The following ANXA1 variants were observed in gnomAD, a reference collection of about 807,000 sequenced individuals.
The protein encoded by ANXA1 is annexin I (lipocortin I).
In ANXA1, 39 loss-of-function variants were observed where a neutral mutation model predicts 47.9. The observed-to-expected ratio is 0.81, with a 90% confidence interval of 0.63 to 1.06. The LOEUF (loss-of-function observed/expected upper bound fraction) is 1.06. Ranked by LOEUF, ANXA1 falls within the 50% of genes least tolerant of loss-of-function variation. The pLI is 0.00. For synonymous variants in ANXA1, 146 were observed against 142.5 expected (o/e 1.02, Z -0.17); for missense variants, 446 against 422.7 (o/e 1.06, Z -0.48).
At chr9:73,157,699 GC>G (rs1824071416) in intron 1 of ANXA1, 1 of 144,998 alleles carries the variant, frequency 6.9e-6, no homozygotes, top group Non-Finnish European at 1.5e-5. Context: ...TTTTCATCTA[GC>G]CATTACTTTT....
At chr9:73,165,751 G>A (rs925351534) in intron 9 of ANXA1, among the ~76,000 whole-genome samples, 5 of 152,036 alleles carry the variant, frequency 3.3e-5, no homozygotes, top group Non-Finnish European at 5.9e-5. Flanking sequence ...TTAAATGTAA[G>A]AGAAATTTAG....
chr9:73,169,256 T>C, intron 12 of ANXA1, 102 bp downstream of exon 12: 1 of 1,269,766 alleles, frequency 7.9e-7, no homozygotes, highest in Non-Finnish European at 1.1e-6. Context: ...ATTTAATATG[T>C]AAGATTAATT....
At chr9:73,156,444 T>C (rs1824049911) in intron 1 of ANXA1, among the ~76,000 whole-genome samples, 1 of 152,090 alleles carries the variant, frequency 6.6e-6, no homozygotes, top group African/African-American at 2.4e-5. Context: ...AAATTGCGGG[T>C]TGTTACTTTA....
chr9:73,153,273 G>T (rs1402032615), intron 1 of ANXA1, among the ~76,000 whole-genome samples: 1 of 152,168 alleles, frequency 6.6e-6, no homozygotes, highest in Non-Finnish European at 1.5e-5. Flanking sequence ...TTCTGAATAT[G>T]ACGTTAGCTC....
At chr9:73,168,983 G>T in intron 11 of ANXA1, 49 bp from the exon 12 acceptor site, 1 of 1,542,890 alleles carries the variant, frequency 6.5e-7, no homozygotes, top group South Asian at 1.2e-5. Context: ...TGTTTTTAAT[G>T]AGAGTATTTT....
intron 11 of ANXA1, 121 bp from the exon 12 acceptor site, chr9:73,168,911 G>A (rs1588227549): frequency 1.3e-5 from 10 of 754,032 alleles, no homozygotes; most frequent in East Asian, 2.8e-5. Context: ...GTGTGTGTGT[G>A]TATAGCTAGT....
chr9:73,162,332 CATA>C (rs375483934), intron 6 of ANXA1, among the ~76,000 whole-genome samples: 136 of 152,278 alleles, frequency 8.9e-4, no homozygotes, highest in African/African-American at 3.1e-3. Context: ...TTTACACACA[CATA>C]AATCATCAAA....
intron 1 of ANXA1, among the ~76,000 whole-genome samples, chr9:73,154,858 G>C (rs770184422): frequency 6.6e-6 from 1 of 152,198 alleles, no homozygotes; most frequent in South Asian, 2.1e-4. Flanking sequence ...TGAGGATAAT[G>C]ATTAAAGGCT....
Position 73,160,991 on chromosome 9 carries a change from G to A in ANXA1, c.475+98G>A, listed in dbSNP as rs567311389. 9 of 768,406 alleles carry A rather than the reference G, an allele frequency of 1.2e-5. No homozygotes were observed. The South Asian group carries it at 1.5e-4, about 13-fold the overall frequency. The allele number at this position is 768,406 out of a possible 1,614,324, so 47.6% of individuals were successfully genotyped here. ...TGTCTATGGTAATTATGGCAGCTTT[G>A]GAATCTCCACATATCAAAATGTTTC... On this transcript the variant is annotated intron_variant, in intron 6 of 12. Coordinates refer to ENST00000257497, the MANE Select transcript of ANXA1 (RefSeq NM_000700.3).
chr9:73,169,445 A>G (rs1158411862), intron 12 of ANXA1, among the ~76,000 whole-genome samples: 3 of 152,126 alleles, frequency 2.0e-5, no homozygotes, highest in African/African-American at 7.2e-5. Flanking sequence ...GTAGATAGAC[A>G]TTGTGGTTTA....
intron 6 of ANXA1, among the ~76,000 whole-genome samples, chr9:73,162,082 T>C (rs1320225220): frequency 2.0e-5 from 3 of 152,086 alleles, no homozygotes; most frequent in Non-Finnish European, 4.4e-5. Flanking sequence ...GCCAGGCTCT[T>C]TTCAACAGCC....
intron 1 of ANXA1, among the ~76,000 whole-genome samples, chr9:73,156,860 C>A (rs915021956): frequency 1.3e-5 from 2 of 152,042 alleles, no homozygotes; most frequent in Non-Finnish European, 2.9e-5. Context: ...TCAGTGTAGA[C>A]CTTGAGCAAG....
At chr9:73,164,017 A>G (rs1236282343) in intron 8 of ANXA1, among the ~76,000 whole-genome samples, 3 of 152,130 alleles carry the variant, frequency 2.0e-5, no homozygotes, top group Non-Finnish European at 4.4e-5. Context: ...TTTCTAACAT[A>G]TTGTTTTATT....
chr9:73,160,769 T>C, intron 5 of ANXA1, 34 bp from the exon 6 acceptor site: 1 of 1,528,740 alleles, frequency 6.5e-7, no homozygotes, highest in African/African-American at 1.4e-5. Flanking sequence ...AAGATTTTTT[T>C]CTACATTTAT....
At position 73,170,257 on chromosome 9, in the gene ANXA1, T is replaced by C; in HGVS notation, c.*150T>C. The C allele has an allele frequency of 1.9e-6, 1 of 534,302 alleles. No homozygotes were observed. Among genetic ancestry groups the C allele is most frequent in the South Asian group, 4.1e-5 (1 of 24,100 alleles). 33.1% of individuals were successfully genotyped at this position (534,302 alleles called of 1,614,324 possible). On this transcript the variant is annotated 3_prime_UTR_variant, in exon 13 of 13. Transcript: ENST00000257497. ...TAGCCTTTAAATCATTTTTATATTA[T>C]AACTCTGTATAATAGAGATAAGTCC...
intron 11 of ANXA1, 121 bp from the exon 12 acceptor site, chr9:73,168,911 G>GTGTGTGTA (rs758329040): frequency 4.0e-6 from 3 of 754,050 alleles, no homozygotes; most frequent in Non-Finnish European, 6.4e-6. Flanking sequence ...GTGTGTGTGT[G>GTGTGTGTA]TATAGCTAGT....
chr9:73,165,477 T>C, intron 9 of ANXA1: 1 of 255,232 alleles, frequency 3.9e-6, no homozygotes, highest in Non-Finnish European at 7.4e-6. Flanking sequence ...AGATTTGGAA[T>C]ATGTGTGGGA....
chr9:73,158,319 G>C, intron 1 of ANXA1: 1 of 503,676 alleles, frequency 2.0e-6, no homozygotes, highest in South Asian at 2.3e-5. Flanking sequence ...AGAGAGGAGG[G>C]TATGGTTTCA....
chr9:73,167,758 T>G, intron 11 of ANXA1: 1 of 513,220 alleles, frequency 1.9e-6, no homozygotes, highest in Non-Finnish European at 3.4e-6. Flanking sequence ...CAGATGAGAT[T>G]GTAAAGTGAG....
Sources: gnomAD v4.1 joint callset for allele counts (sites outside exome capture counted in the v4.1 genomes callset) on GRCh38, gnomAD v4.1.1 for gene constraint, MANE v1.5 for transcripts, NCBI Gene and HGNC (gene_info 2026-07-23, HGNC 2026-07-21) for gene names.